Variants in VGLL4 observed in about 807,000 individuals in gnomAD.
The protein encoded by VGLL4 is transcription cofactor vestigial-like protein 4.
Under a neutral mutation model 21.0 loss-of-function variants are expected in VGLL4, and 7 were observed. The observed-to-expected ratio is 0.33, with a 90% CI of 0.19 to 0.63. The LOEUF is 0.63. VGLL4 is among the 20% of genes least tolerant of loss of function. The pLI is 0.78. For missense variants in VGLL4, 394 were observed against 425.7 expected, an observed-to-expected ratio of 0.93 and a Z score of 0.66; for synonymous variants, 222 against 173.2, an observed-to-expected ratio of 1.28 and a Z score of -2.21.
chr3:11,675,083 C>T (rs537736237), intron 2 of VGLL4, among the ~76,000 whole-genome samples: 60 of 152,262 alleles, frequency 3.9e-4, no homozygotes, highest in African/African-American at 1.4e-3. Flanking sequence ...GGCTCACGCC[C>T]GTAATCCCAA....
At chr3:11,703,712 A>C (rs1409092240) in intron 1 of VGLL4, among the ~76,000 whole-genome samples, 2 of 152,212 alleles carry the variant, frequency 1.3e-5, no homozygotes, top group Non-Finnish European at 2.9e-5. Flanking sequence ...GGAAAACCAG[A>C]ATGCTTTTTA....
In VGLL4 at chr3:11,568,276, G is replaced by C. The variant is rs2073625776; in HGVS notation, c.273-3257C>G. ...CCTAGGGGCACGGCACAGTCACGCA[G>C]ATGACTCAGCTGCGCCTTAGGAAAT... On this transcript the variant is annotated intron_variant, in intron 2 of 4. Coordinates refer to ENST00000430365, the MANE Select transcript of VGLL4 (RefSeq NM_001128219.3). This position sits in a 1 kb window ranked among gnomAD's most constrained non-coding sequence, Gnocchi z 5.9. 6.6e-6 allele frequency among the ~76,000 whole-genome samples: 1 copy of C among 152,234 alleles called. No individual in the cohort carries two copies. The highest frequency in any genetic ancestry group is 6.5e-5 in the Admixed American group (1 of 15,290).
intron 3 of VGLL4, among the ~76,000 whole-genome samples, chr3:11,560,916 C>T (rs986968165): frequency 2.0e-5 from 3 of 152,180 alleles, no homozygotes; most frequent in African/African-American, 7.2e-5. Context: ...CAGACAGGCT[C>T]GGAAAGGGGG....
At chr3:11,657,647 T>C (rs994180245) in intron 2 of VGLL4, among the ~76,000 whole-genome samples, 1 of 152,190 alleles carries the variant, frequency 6.6e-6, no homozygotes, top group Non-Finnish European at 1.5e-5. Flanking sequence ...CTAAAACTCC[T>C]GGCTGTCACT....
chr3:11,637,369 T>TGGATCTG, intron 1 of VGLL4, among the ~76,000 whole-genome samples: 1 of 152,070 alleles, frequency 6.6e-6, no homozygotes, highest in South Asian at 2.1e-4. Context: ...AATAACAGAA[T>TGGATCTG]GGATAACAAA....
At chr3:11,597,175 T>C (rs185609352) in intron 2 of VGLL4, among the ~76,000 whole-genome samples, 12 of 151,964 alleles carry the variant, frequency 7.9e-5, no homozygotes, top group Admixed American at 5.9e-4. Flanking sequence ...AGTAGATAAA[T>C]AGGCAGGCAG....
intron 2 of VGLL4, among the ~76,000 whole-genome samples, chr3:11,570,263 G>C (rs997562868): frequency 1.3e-5 from 2 of 151,858 alleles, no homozygotes; most frequent in African/African-American, 2.4e-5. Flanking sequence ...TCACCTCGCA[G>C]CTCCATCCCA....
chr3:11,606,496 G>A (rs947101205), intron 1 of VGLL4, among the ~76,000 whole-genome samples: 2 of 152,224 alleles, frequency 1.3e-5, no homozygotes, highest in South Asian at 4.1e-4. Context: ...AAGTGGCATT[G>A]AGAGGTGAGG....
At chr3:11,709,435 T>TCAAAAAA (rs1228813940) in intron 1 of VGLL4, among the ~76,000 whole-genome samples, 45 of 108,848 alleles carry the variant, frequency 4.1e-4, no homozygotes, top group African/African-American at 1.4e-3. Flanking sequence ...AGACTCCGTC[T>TCAAAAAA]AAAAAAAAAA....
At chr3:11,623,198 C>T (rs1483036255) in intron 1 of VGLL4, among the ~76,000 whole-genome samples, 6 of 152,164 alleles carry the variant, frequency 3.9e-5, no homozygotes, top group East Asian at 1.9e-4. Context: ...CACATCAAGG[C>T]TCTGTCGACT....
chr3:11,644,998 A>C (rs2075766590), upstream of VGLL4, among the ~76,000 whole-genome samples: 1 of 151,244 alleles, frequency 6.6e-6, no homozygotes, highest in Admixed American at 6.6e-5. Flanking sequence ...TTTGGCATGT[A>C]TGTCACCCAC....
upstream of VGLL4, among the ~76,000 whole-genome samples, chr3:11,646,339 T>G (rs769598229): frequency 4.6e-5 from 7 of 152,202 alleles, no homozygotes; most frequent in Non-Finnish European, 8.8e-5. Context: ...GTGCTACGTT[T>G]TTACATAAAT....
chr3:11,675,833 C>T (rs1048112064), intron 2 of VGLL4, among the ~76,000 whole-genome samples: 1 of 152,178 alleles, frequency 6.6e-6, no homozygotes, highest in Admixed American at 6.5e-5. Flanking sequence ...ACAAACTGTT[C>T]AGTTAACTAG....
chr3:11,661,499 C>CT (rs1487254441), intron 2 of VGLL4, among the ~76,000 whole-genome samples: 7 of 148,754 alleles, frequency 4.7e-5, no homozygotes, highest in Non-Finnish European at 9.0e-5. Context: ...GAGAGGAAGT[C>CT]TTATTCTATT....
intron 2 of VGLL4, among the ~76,000 whole-genome samples, chr3:11,663,851 TTCTC>T (rs2076070891): frequency 6.6e-6 from 1 of 152,258 alleles, no homozygotes; most frequent in Non-Finnish European, 1.5e-5. Context: ...GGAATTTAAT[TTCTC>T]TATGCTGTAA....
intron 1 of VGLL4, among the ~76,000 whole-genome samples, chr3:11,707,486 G>A (rs1435036957): frequency 6.6e-6 from 1 of 151,626 alleles, no homozygotes; most frequent in Non-Finnish European, 1.5e-5. Context: ...ATGAGGGACG[G>A]GGACCAAGCA....
chr3:11,577,865 A>G (rs1189501805), intron 2 of VGLL4, among the ~76,000 whole-genome samples: 3 of 152,164 alleles, frequency 2.0e-5, no homozygotes, highest in African/African-American at 4.8e-5. Context: ...TCGTCCAACT[A>G]CTGAAAAGGA....
In VGLL4 at chr3:11,561,164, G is replaced by A. The variant is rs2072960868; in HGVS notation, c.496-1709C>T. Among the ~76,000 whole-genome samples the A allele has an allele frequency of 2.0e-5, 3 of 152,126 alleles. No homozygotes were observed. In the South Asian group the frequency reaches 6.2e-4, roughly 31 times the overall value. On this transcript the variant is annotated intron_variant, in intron 3 of 4. Transcript: ENST00000430365. ...TCCTCCCAATAAAACTCCCTTTTGT[G>A]CTCAGCCGGCTTGTTCTTTGCAGCG...
intron 2 of VGLL4, among the ~76,000 whole-genome samples, chr3:11,594,809 G>A (rs1188210578): frequency 1.3e-5 from 2 of 152,206 alleles, no homozygotes; most frequent in Non-Finnish European, 1.5e-5. Context: ...AGAGTGCCAC[G>A]CAGCTGAAAT....
Sources: allele counts gnomAD v4.1 joint callset (sites outside exome capture counted in the v4.1 genomes callset), GRCh38; gene constraint gnomAD v4.1.1; non-coding constraint Gnocchi (gnomAD v3.1); transcripts MANE v1.5; gene names NCBI Gene and HGNC (gene_info 2026-07-23, HGNC 2026-07-21).